The following HMBOX1 variants were observed in gnomAD, a reference collection of about 807,000 sequenced individuals.
The protein encoded by HMBOX1 is homeobox containing 1.
A neutral mutation model predicts 54.5 loss-of-function variants in HMBOX1; 14 were observed. That is an observed-to-expected ratio of 0.26 (90% CI 0.17 to 0.40). The LOEUF is 0.40. Ranked by LOEUF, HMBOX1 falls within the 10% of genes least tolerant of loss-of-function variation. The pLI is 1.00. For synonymous variants in HMBOX1, 160 were observed against 181.0 expected (o/e 0.88, Z 0.93); for missense variants, 332 against 514.4 (o/e 0.65, Z 3.43).
intron 1 of HMBOX1, among the ~76,000 whole-genome samples, chr8:28,962,682 T>C (rs1278565977): frequency 6.6e-6 from 1 of 152,206 alleles, no homozygotes; most frequent in Non-Finnish European, 1.5e-5. Flanking sequence ...CACCTTGATG[T>C]TGTGGAAGTC....
chr8:29,047,787 G>A (rs1201462068), intron 8 of HMBOX1, among the ~76,000 whole-genome samples: 4 of 151,972 alleles, frequency 2.6e-5, no homozygotes, highest in Middle Eastern at 3.4e-3. Flanking sequence ...GGCTGGTCTC[G>A]AACTCCCGAC....
intron 4 of HMBOX1, 150 bp from the exon 5 acceptor site, chr8:29,008,922 A>G: frequency 1.8e-6 from 1 of 567,154 alleles, no homozygotes; most frequent in Non-Finnish European, 3.2e-6. Context: ...AGTCTTTACA[A>G]AGGAATCCAA....
At chr8:28,943,538 C>T (rs1031957805) in intron 1 of HMBOX1, among the ~76,000 whole-genome samples, 4 of 152,172 alleles carry the variant, frequency 2.6e-5, no homozygotes, top group South Asian at 2.1e-4. Flanking sequence ...GAAATGTTAT[C>T]TTCTGCTTTC....
In HMBOX1 at chr8:28,970,755, C is replaced by G. The variant is rs899873574; in HGVS notation, c.500+236C>G. Reference sequence around the variant, plus strand: ...CCCTTTCTCTTTGCTGCTTGACAAGCCTTTTCCATTCTGTTTATCAAACAC... The same window carrying G: ...CCCTTTCTCTTTGCTGCTTGACAAGGCTTTTCCATTCTGTTTATCAAACAC... On this transcript the variant is annotated intron_variant, in intron 3 of 9. Coordinates refer to ENST00000287701, the MANE Select transcript of HMBOX1 (RefSeq NM_001135726.3). The surrounding 1 kb of genome is among the most constrained non-coding windows in gnomAD (Gnocchi z 4.3). 2 of 421,794 alleles carry G rather than the reference C, an allele frequency of 4.7e-6. No homozygotes were observed. Among genetic ancestry groups the G allele is most frequent in the Admixed American group, 8.1e-5 (2 of 24,672 alleles). The allele number at this position is 421,794 out of a possible 1,614,324, so 26.1% of individuals were successfully genotyped here. A position where few individuals can be genotyped will look rare whatever the true frequency, so the allele number is the denominator to read the frequency against.
intron 1 of HMBOX1, chr8:28,956,076 C>T (rs1486388502): frequency 6.6e-6 from 1 of 151,674 alleles, no homozygotes; most frequent in Non-Finnish European, 1.5e-5. Flanking sequence ...AAGGTGTAAG[C>T]TCTTTAAATT....
rs1329934635 is a variant in HMBOX1 at position 29,052,728 on chromosome 8, G to A, written c.*1573G>A. The A allele has an allele frequency of 2.6e-5, 4 of 152,242 alleles. No homozygotes were observed. Among genetic ancestry groups the A allele is most frequent in the African/African-American group, 9.6e-5 (4 of 41,540 alleles). The allele number at this position is 152,242 out of a possible 1,614,324, so 9.4% of individuals were successfully genotyped here. On this transcript the variant is annotated 3_prime_UTR_variant, in exon 10 of 10. Coordinates refer to ENST00000287701, the MANE Select transcript of HMBOX1 (RefSeq NM_001135726.3). ...TGACACACTGTCACTGTGGGTAAGA[G>A]GAAAGAGCCTTCAATGTAGCAGCAC...
At position 28,896,381 on chromosome 8, in the gene HMBOX1, G is replaced by A. The variant is rs1036258849; in HGVS notation, c.-58+5703G>A. Among the ~76,000 whole-genome samples the A allele has an allele frequency of 1.3e-5, 2 of 149,708 alleles. 1 individual carries two copies. Among genetic ancestry groups the A allele is most frequent in the Non-Finnish European group, 3.0e-5 (2 of 66,516 alleles). ...TATAGTTCTATGCCATTTTATCACAGGTGTGTAGATTGCATAATCACCACC... is the reference window on the plus strand; with the variant it reads ...TATAGTTCTATGCCATTTTATCACAAGTGTGTAGATTGCATAATCACCACC... On this transcript the variant is annotated intron_variant, in intron 1 of 9. Coordinates refer to ENST00000287701, the MANE Select transcript of HMBOX1 (RefSeq NM_001135726.3).
At chr8:28,971,020 A>G (rs1827304608) in intron 3 of HMBOX1, among the ~76,000 whole-genome samples, 1 of 146,378 alleles carries the variant, frequency 6.8e-6, no homozygotes, top group African/African-American at 2.5e-5. Context: ...ACACACACAC[A>G]CACACACACA....
Position 29,022,607 on chromosome 8 carries a change from C to CA in HMBOX1, c.851+3700dup, listed in dbSNP as rs571842377. On this transcript the variant is annotated intron_variant, in intron 6 of 9. Transcript: ENST00000287701. ...AGTGGAGTACTATGCAGCTAAAGAA[C>CA]AAAAAACTCTGTATACAGTGATCTC... Among the ~76,000 whole-genome samples, 10 of 151,956 alleles carry CA rather than the reference C, an allele frequency of 6.6e-5. 1 individual carries two copies. In the East Asian group the frequency reaches 1.9e-3, roughly 29 times the overall value.
intron 5 of HMBOX1, 144 bp downstream of exon 5, chr8:29,009,326 G>GT: frequency 9.5e-7 from 1 of 1,049,748 alleles, no homozygotes; most frequent in South Asian, 1.7e-5. Flanking sequence ...ACTCTTAACA[G>GT]TAAAAGCTAA....
At chr8:28,898,562 TCTCTCAAG>T (rs1812609957) in intron 1 of HMBOX1, among the ~76,000 whole-genome samples, 1 of 152,222 alleles carries the variant, frequency 6.6e-6, no homozygotes, top group South Asian at 2.1e-4. Context: ...GAGAAGCTAG[TCTCTCAAG>T]CTCTCGTTCT....
intron 4 of HMBOX1, among the ~76,000 whole-genome samples, chr8:28,982,470 C>G (rs995167243): frequency 6.6e-6 from 1 of 151,904 alleles, no homozygotes. Context: ...TTGTTTGAGA[C>G]AGTTTCTTGC....
At chr8:29,033,250 T>C (rs1563620467) in intron 6 of HMBOX1, among the ~76,000 whole-genome samples, 1 of 152,186 alleles carries the variant, frequency 6.6e-6, no homozygotes. Context: ...ACTATAAATT[T>C]TGGGATTAAT....
At chr8:28,891,447 T>C (rs1810930031) in intron 1 of HMBOX1, 1 of 152,234 alleles carries the variant, frequency 6.6e-6, no homozygotes, top group Non-Finnish European at 1.5e-5. Context: ...TTGGGGCTAC[T>C]TTGAAAGGCG....
chr8:29,015,305 T>G (rs144336194), intron 5 of HMBOX1, among the ~76,000 whole-genome samples: 14 of 152,328 alleles, frequency 9.2e-5, no homozygotes, highest in Admixed American at 5.9e-4. Context: ...TGTGGCCTAC[T>G]ACCTGGAATT....
At chr8:29,012,094 C>G (rs963386200) in intron 5 of HMBOX1, among the ~76,000 whole-genome samples, 1 of 152,116 alleles carries the variant, frequency 6.6e-6, no homozygotes, top group Non-Finnish European at 1.5e-5. Context: ...GTTGTTGTTG[C>G]GTTAACAGCA....
At chr8:28,955,174 T>G (rs538989682) in intron 1 of HMBOX1, among the ~76,000 whole-genome samples, 1 of 152,256 alleles carries the variant, frequency 6.6e-6, no homozygotes, top group South Asian at 2.1e-4. Flanking sequence ...TACATGTATA[T>G]ATGTAAATGT....
intron 1 of HMBOX1, among the ~76,000 whole-genome samples, chr8:28,952,401 T>C (rs2132137579): frequency 6.6e-6 from 1 of 152,054 alleles, no homozygotes; most frequent in East Asian, 1.9e-4. Context: ...TTCCGGCTAA[T>C]TTTTGTATTT....
intron 3 of HMBOX1, among the ~76,000 whole-genome samples, chr8:28,973,787 C>T (rs117976396): frequency 0.03 from 4,150 of 136,876 alleles, 91 homozygotes; most frequent in Non-Finnish European, 0.045. Context: ...CTAATAATTT[C>T]GAGATACATA....
Sources: allele counts gnomAD v4.1 joint callset (sites outside exome capture counted in the v4.1 genomes callset), GRCh38; gene constraint gnomAD v4.1.1; non-coding constraint Gnocchi (gnomAD v3.1); transcripts MANE v1.5; gene names NCBI Gene and HGNC (gene_info 2026-07-23, HGNC 2026-07-21).